ARCN1: variants seen among roughly 807,000 people sequenced by gnomAD.
ARCN1 encodes coatomer subunit delta.
ARCN1 carries 5 observed loss-of-function variants against 60.4 expected under a neutral mutation model. The observed-to-expected ratio is 0.08, with a 90% CI of 0.04 to 0.17. The LOEUF is 0.17. ARCN1 is among the 10% of genes least tolerant of loss of function. ARCN1 has a pLI of 1.00. For synonymous variants in ARCN1, 224 were observed against 220.0 expected (o/e 1.02, Z -0.16); for missense variants, 464 against 626.5 (o/e 0.74, Z 2.77).
chr11:118,593,391 C>CTTT lies in ARCN1; in HGVS notation c.1133-182_1133-180dup, dbSNP rs57568260. Among the ~76,000 whole-genome samples the CTTT allele has an allele frequency of 4.1e-3, 499 of 120,986 alleles. 6 individuals carry two copies. Among genetic ancestry groups the CTTT allele is most frequent in the South Asian group, 0.02 (72 of 3,516 alleles). 79.4% of individuals were successfully genotyped at this position (120,986 alleles called of 152,430 possible). A position where few individuals can be genotyped will look rare whatever the true frequency, so the allele number is the denominator to read the frequency against. ...AACAGGGAAGTGCCACCACGCCTGG[C>CTTT]TTTTTTTTTTTTTTTTTTTGGTATA... On this transcript the variant is annotated intron_variant, in intron 7 of 9. Coordinates refer to ENST00000264028, the MANE Select transcript of ARCN1 (RefSeq NM_001655.5).
chr11:118,576,437 A>AAC (rs1388714940), intron 1 of ARCN1, among the ~76,000 whole-genome samples: 3 of 146,628 alleles, frequency 2.0e-5, no homozygotes, highest in African/African-American at 7.4e-5. Context: ...AAAAAAAAAA[A>AAC]AAAAAAAAAA....
At chr11:118,575,974 GTTTT>G (rs150069695) in intron 1 of ARCN1, among the ~76,000 whole-genome samples, 1 of 143,280 alleles carries the variant, frequency 7.0e-6, no homozygotes, top group Admixed American at 7.0e-5. Context: ...CACTGTAGTT[GTTTT>G]TTTTTTTTTC....
rs1208274913 is a variant in ARCN1 at position 118,577,465 on chromosome 11, C to G, written c.4-3781C>G. Reference sequence around the variant, plus strand: ...GTTTTCCCATGTTGACCAGGCTGGTCTCGAACTCCTGACCTCAGGTGATCT... The same window carrying G: ...GTTTTCCCATGTTGACCAGGCTGGTGTCGAACTCCTGACCTCAGGTGATCT... On this transcript the variant is annotated intron_variant, in intron 1 of 9. Transcript: ENST00000264028. Among the ~76,000 whole-genome samples the G allele has an allele frequency of 2.0e-5, 3 of 152,188 alleles. No homozygotes were observed. In the East Asian group the frequency reaches 5.8e-4, roughly 30 times the overall value.
intron 8 of ARCN1, among the ~76,000 whole-genome samples, chr11:118,595,789 C>T (rs1939011897): frequency 1.3e-5 from 2 of 152,168 alleles, no homozygotes; most frequent in Non-Finnish European, 2.9e-5. Context: ...ACTAATTTGC[C>T]AGGCGCAGTG....
At chr11:118,583,383 A>C in intron 3 of ARCN1, 25 bp downstream of exon 3, 1 of 1,580,774 alleles carries the variant, frequency 6.3e-7, no homozygotes, top group Non-Finnish European at 8.6e-7. Context: ...CTCTGGGACT[A>C]CCTGTTTGTA....
chr11:118,586,830 C>T (rs925951473), intron 5 of ARCN1, among the ~76,000 whole-genome samples: 13 of 133,736 alleles, frequency 9.7e-5, no homozygotes, highest in Admixed American at 1.7e-4. Context: ...CCAGCCTGGG[C>T]GACAGAGTGA....
chr11:118,598,019 GA>G, intron 9 of ARCN1, 108 bp downstream of exon 9: 1 of 994,066 alleles, frequency 1.0e-6, no homozygotes, highest in Non-Finnish European at 1.5e-6. Flanking sequence ...ATAAAGCTCA[GA>G]AAAAAACTGA....
At chr11:118,583,481 C>G in intron 3 of ARCN1, 123 bp downstream of exon 3, 1 of 1,200,786 alleles carries the variant, frequency 8.3e-7, no homozygotes, top group Non-Finnish European at 1.1e-6. Flanking sequence ...AGGCTAGGCA[C>G]AGTGGCTCAT....
chr11:118,583,365 A>G lies in ARCN1; in HGVS notation c.447+7A>G. On this transcript the variant is annotated splice_region_variant and intron_variant, in intron 3 of 9. Transcript: ENST00000264028. Reference sequence around the variant, plus strand: ...GTTCAGAGCCGTCAGAGAGGTAAATAGGATCTTCTCTGGGACTACCTGTTT... The same window carrying G: ...GTTCAGAGCCGTCAGAGAGGTAAATGGGATCTTCTCTGGGACTACCTGTTT... The G allele has an allele frequency of 1.2e-6, 2 of 1,602,668 alleles. No homozygotes were observed. Among genetic ancestry groups the G allele is most frequent in the Non-Finnish European group, 1.7e-6 (2 of 1,175,344 alleles).
At chr11:118,598,623 T>C (rs1555077604) in intron 9 of ARCN1, among the ~76,000 whole-genome samples, 1 of 150,422 alleles carries the variant, frequency 6.6e-6, no homozygotes, top group Non-Finnish European at 1.5e-5. Context: ...GCCTCCCAAG[T>C]AGCTGGAAAT....
intron 1 of ARCN1, among the ~76,000 whole-genome samples, chr11:118,576,287 C>G (rs1213553298): frequency 2.0e-5 from 3 of 150,726 alleles, no homozygotes; most frequent in Non-Finnish European, 3.0e-5. Context: ...CAAAGCTCAA[C>G]TTTATGAGGG....
intron 1 of ARCN1, among the ~76,000 whole-genome samples, chr11:118,576,757 T>G (rs1210511415): frequency 6.6e-6 from 1 of 152,140 alleles, no homozygotes; most frequent in African/African-American, 2.4e-5. Context: ...GTTCGGAGAT[T>G]TATGCTATAC....
Position 118,601,685 on chromosome 11 carries a change from T to C in ARCN1, c.*971T>C. The stretch of plus-strand genomic sequence containing the variant: ...CCGTATCAATTCATTCCTTCATCTC[T>C]TTGCCAAGTTGTTTTCCTTTCAGGG... On this transcript the variant is annotated 3_prime_UTR_variant, in exon 10 of 10. Transcript: ENST00000264028. 1.4e-6 allele frequency: 1 copy of C among 703,036 alleles called. No homozygotes were observed. Among genetic ancestry groups the C allele is most frequent in the Non-Finnish European group, 2.6e-6 (1 of 385,006 alleles). 43.5% of individuals were successfully genotyped at this position (703,036 alleles called of 1,614,324 possible). A position where few individuals can be genotyped will look rare whatever the true frequency, so the allele number is the denominator to read the frequency against.
At chr11:118,580,352 T>C (rs1938623145) in intron 1 of ARCN1, among the ~76,000 whole-genome samples, 1 of 152,158 alleles carries the variant, frequency 6.6e-6, no homozygotes, top group South Asian at 2.1e-4. Context: ...TTGTGAATTC[T>C]GATCCTCAGG....
At chr11:118,590,845 TAC>T (rs1267174577) in intron 6 of ARCN1, among the ~76,000 whole-genome samples, 1 of 152,188 alleles carries the variant, frequency 6.6e-6, no homozygotes, top group African/African-American at 2.4e-5. Flanking sequence ...TTGCTTGAAA[TAC>T]AGTTTTAAAA....
intron 1 of ARCN1, chr11:118,573,570 G>A: frequency 3.1e-6 from 2 of 642,606 alleles, no homozygotes; most frequent in Non-Finnish European, 5.7e-6. Context: ...ATGTCCTTTA[G>A]TCTTTTGAAG....
At chr11:118,581,766 G>A (rs1276265709) in intron 2 of ARCN1, among the ~76,000 whole-genome samples, 1 of 152,100 alleles carries the variant, frequency 6.6e-6, no homozygotes, top group African/African-American at 2.4e-5. Context: ...TGCCGTTCTA[G>A]TTCTGACACT....
intron 1 of ARCN1, among the ~76,000 whole-genome samples, chr11:118,575,201 A>C (rs782460981): frequency 2.4e-4 from 36 of 152,030 alleles, no homozygotes; most frequent in Non-Finnish European, 4.3e-4. Context: ...GATAGTCTCG[A>C]TCTCCTCACC....
Position 118,581,428 on chromosome 11 carries a change from G to A in ARCN1, c.186G>A (p.Glu62=), listed in dbSNP as rs1481847639. 1 of 1,614,224 alleles carries A rather than the reference G, an allele frequency of 6.2e-7. No homozygotes were observed. Among genetic ancestry groups the A allele is most frequent in the Non-Finnish European group, 8.5e-7 (1 of 1,180,036 alleles). ...TAAGATATGTCTACCAGCCTATGGA[G>A]AAACTGTATATGGTACTGATCACTA... ...ESVRYVYQPM[E]KLYMVLITTK... The change falls in exon 2 of 10, where the codon GAG becomes GAA. Residue 62 remains glutamate (E), a synonymous_variant. Coordinates refer to ENST00000264028, the MANE Select transcript of ARCN1 (RefSeq NM_001655.5).
Sources: gnomAD v4.1 joint callset for allele counts (sites outside exome capture counted in the v4.1 genomes callset) on GRCh38, gnomAD v4.1.1 for gene constraint, MANE v1.5 for transcripts, NCBI Gene and HGNC (gene_info 2026-07-23, HGNC 2026-07-21) for gene names.